The following FAM240B variants were observed in gnomAD, a reference collection of about 807,000 sequenced individuals.
FAM240B encodes family with sequence similarity 240 member B.
intron 1 of FAM240B, among the ~76,000 whole-genome samples, chr9:38,705,899 C>T (rs80067049): frequency 6.6e-6 from 1 of 150,766 alleles, no homozygotes; most frequent in Non-Finnish European, 1.5e-5. Flanking sequence ...GTCAGAGCTG[C>T]CCTAGACTAC....
intron 1 of FAM240B, among the ~76,000 whole-genome samples, chr9:38,710,383 C>G (rs1270874598): frequency 6.6e-6 from 1 of 152,170 alleles, no homozygotes; most frequent in Non-Finnish European, 1.5e-5. Flanking sequence ...GCTCAAAAAG[C>G]AGGAGCAGGA....
chr9:38,712,580 G>A (rs1821268516), intron 1 of FAM240B, among the ~76,000 whole-genome samples: 1 of 152,148 alleles, frequency 6.6e-6, no homozygotes, highest in Non-Finnish European at 1.5e-5. Flanking sequence ...AAGCTCCAGA[G>A]CTAATGATGG....
At chr9:38,700,981 G>A (rs530413490) in intron 2 of FAM240B, among the ~76,000 whole-genome samples, 1 of 152,356 alleles carries the variant, frequency 6.6e-6, no homozygotes, top group African/African-American at 2.4e-5. Context: ...AGAGGGAGAG[G>A]AACGTAAGAC....
At chr9:38,695,271 C>A (rs1315761529) in intron 2 of FAM240B, among the ~76,000 whole-genome samples, 4 of 152,220 alleles carry the variant, frequency 2.6e-5, no homozygotes, top group Non-Finnish European at 4.4e-5. Flanking sequence ...GTAATCCCAG[C>A]ACTTTGGGAG....
intron 1 of FAM240B, among the ~76,000 whole-genome samples, chr9:38,714,581 G>A (rs895793001): frequency 6.6e-6 from 1 of 152,132 alleles, no homozygotes; most frequent in Non-Finnish European, 1.5e-5. Context: ...GGCTCTCAGC[G>A]CTACTAATAA....
At chr9:38,715,930 A>G (rs970795079) in intron 1 of FAM240B, among the ~76,000 whole-genome samples, 1 of 152,178 alleles carries the variant, frequency 6.6e-6, no homozygotes, top group Non-Finnish European at 1.5e-5. Flanking sequence ...ACTGTTAACC[A>G]CTGCAGTTTT....
rs145018371 is a variant in FAM240B at position 38,703,330 on chromosome 9, T to A, written c.143+527A>T. ...AATCTCCAGACCAACCGATCTCAAG[T>A]CTGTAGCCCTAGCCACCTCCTTGTC... On this transcript the variant is annotated intron_variant, in intron 2 of 2. Coordinates refer to ENST00000637493, the MANE Select transcript of FAM240B (RefSeq NM_001394922.1). 2.3e-3 allele frequency among the ~76,000 whole-genome samples: 352 copies of A among 152,286 alleles called. 1 individual carries two copies. The highest frequency in any genetic ancestry group is 8.0e-3 in the African/African-American group (331 of 41,556).
intron 1 of FAM240B, among the ~76,000 whole-genome samples, chr9:38,715,202 T>C (rs532830342): frequency 3.9e-5 from 6 of 152,328 alleles, no homozygotes; most frequent in African/African-American, 1.4e-4. Context: ...GCCAGCAGCG[T>C]CCTGCTGTTT....
At chr9:38,715,457 G>A (rs1821295539) in intron 1 of FAM240B, among the ~76,000 whole-genome samples, 1 of 152,220 alleles carries the variant, frequency 6.6e-6, no homozygotes, top group South Asian at 2.1e-4. Flanking sequence ...TAGGTCAGAG[G>A]CCACAAGCTC....
At chr9:38,712,779 G>A (rs530912119) in intron 1 of FAM240B, among the ~76,000 whole-genome samples, 1 of 152,252 alleles carries the variant, frequency 6.6e-6, no homozygotes, top group African/African-American at 2.4e-5. Context: ...CCTGTAACCA[G>A]ACAAGAAGCC....
rs370708930 is a variant in FAM240B, at chr9:38,710,064, G to C, written c.-3-6062C>G. On this transcript the variant is annotated intron_variant, in intron 1 of 2. Transcript: ENST00000637493. ...GGCTCACTGCAACCTCCGCCTCCCGGGTTCAAGCAATTCTCCTGCCTTAGC... is the reference window on the plus strand; with the variant it reads ...GGCTCACTGCAACCTCCGCCTCCCGCGTTCAAGCAATTCTCCTGCCTTAGC... 4.6e-5 allele frequency among the ~76,000 whole-genome samples: 7 copies of C among 152,270 alleles called. No individual in the cohort carries two copies. The South Asian group carries it at 1.5e-3, about 32-fold the overall frequency.
chr9:38,710,437 A>T (rs2119010193), intron 1 of FAM240B, among the ~76,000 whole-genome samples: 1 of 152,336 alleles, frequency 6.6e-6, no homozygotes, highest in South Asian at 2.1e-4. Flanking sequence ...TACTTGAGTT[A>T]TTCTGGTTAT....
intron 1 of FAM240B, among the ~76,000 whole-genome samples, chr9:38,718,030 ATAT>A (rs1564002652): frequency 6.6e-6 from 1 of 152,194 alleles, no homozygotes; most frequent in East Asian, 1.9e-4. Flanking sequence ...TGTGTACAAA[ATAT>A]TGTTTTTGCA....
chr9:38,697,576 T>G (rs553404499), intron 2 of FAM240B, among the ~76,000 whole-genome samples: 2 of 152,350 alleles, frequency 1.3e-5, no homozygotes, highest in South Asian at 4.1e-4. Context: ...TTCAGGAATT[T>G]TATAAGCTAA....
intron 1 of FAM240B, among the ~76,000 whole-genome samples, chr9:38,717,520 G>C (rs1175957283): frequency 6.6e-6 from 1 of 152,168 alleles, no homozygotes; most frequent in Non-Finnish European, 1.5e-5. Context: ...TCGCTCTGTT[G>C]CCCAGGCTGG....
At chr9:38,695,104 A>G (rs12235743) in intron 2 of FAM240B, among the ~76,000 whole-genome samples, 28,728 of 152,136 alleles carry the variant, frequency 0.19, 2,931 homozygotes, top group South Asian at 0.35. Context: ...ACAAATACCT[A>G]ATGCATGCGG....
At chr9:38,703,347 C>T (rs111470604) in intron 2 of FAM240B, among the ~76,000 whole-genome samples, 2 of 152,298 alleles carry the variant, frequency 1.3e-5, no homozygotes, top group African/African-American at 4.8e-5. Flanking sequence ...CCCTAGCCAC[C>T]TCCTTGTCTA....
chr9:38,701,979 TTCTAA>T (rs1821133766), intron 2 of FAM240B, among the ~76,000 whole-genome samples: 1 of 152,202 alleles, frequency 6.6e-6, no homozygotes, highest in African/African-American at 2.4e-5. Context: ...GTGTATTTTC[TTCTAA>T]TCTTTTTCCT....
chr9:38,706,057 G>A (rs1052602699), intron 1 of FAM240B, among the ~76,000 whole-genome samples: 1 of 152,056 alleles, frequency 6.6e-6, no homozygotes, highest in Non-Finnish European at 1.5e-5. Context: ...ACACAGCTAC[G>A]TGAGGGCCAT....
Sources: allele counts gnomAD v4.1 joint callset (sites outside exome capture counted in the v4.1 genomes callset), GRCh38; gene constraint gnomAD v4.1.1; transcripts MANE v1.5; gene names NCBI Gene and HGNC (gene_info 2026-07-23, HGNC 2026-07-21).